CNTN6: variants seen among roughly 807,000 people sequenced by gnomAD.
CNTN6 encodes contactin-6.
Under a neutral mutation model 122.8 loss-of-function variants are expected in CNTN6, and 137 were observed. The ratio of observed to expected loss-of-function variants is 1.12; its 90% CI spans 0.97 to 1.29. CNTN6 has a LOEUF of 1.29. Ranked by LOEUF, CNTN6 falls within the 50% of genes most tolerant of loss-of-function variation. The pLI, the probability that CNTN6 is intolerant of heterozygous loss-of-function variation, is 0.00. For missense variants in CNTN6, 1,634 were observed against 1,223.4 expected (o/e 1.34, Z -5.01); for synonymous variants, 570 against 426.0 (o/e 1.34, Z -4.16).
intron 2 of CNTN6, among the ~76,000 whole-genome samples, chr3:1,168,794 T>A (rs2093307248): frequency 6.6e-6 from 1 of 152,116 alleles, no homozygotes; most frequent in Non-Finnish European, 1.5e-5. Flanking sequence ...TTTCTAGGCT[T>A]AGTGGAGTTA....
chr3:1,249,175 C>A (rs2094623718), intron 4 of CNTN6, among the ~76,000 whole-genome samples: 1 of 152,072 alleles, frequency 6.6e-6, no homozygotes, highest in African/African-American at 2.4e-5. Flanking sequence ...GGGGTCAACA[C>A]AAGGTGATAG....
At chr3:1,320,527 G>C (rs1364956972) in intron 7 of CNTN6, among the ~76,000 whole-genome samples, 3 of 151,658 alleles carry the variant, frequency 2.0e-5, no homozygotes, top group Non-Finnish European at 2.9e-5. Context: ...CTGACTTGAA[G>C]AAATTCTGCC....
intron 8 of CNTN6, among the ~76,000 whole-genome samples, chr3:1,323,897 G>C (rs538949892): frequency 7.2e-6 from 1 of 139,716 alleles, no homozygotes; most frequent in East Asian, 1.9e-4. Flanking sequence ...ATAAATAAAT[G>C]TGTTCTGTAG....
At chr3:1,220,909 T>C in intron 3 of CNTN6, 96 bp downstream of exon 3, 1 of 1,331,432 alleles carries the variant, frequency 7.5e-7, no homozygotes, top group Non-Finnish European at 1.0e-6. Context: ...TCCTAATTTG[T>C]AGTGTACAGC....
rs556821921 is a variant in CNTN6 at position 1,359,681 on chromosome 3, T to C, written c.1492+7230T>C. 1.6e-4 allele frequency among the ~76,000 whole-genome samples: 24 copies of C among 152,176 alleles called. No homozygotes were observed. In the South Asian group the frequency reaches 5.0e-3, roughly 32 times the overall value. The stretch of plus-strand genomic sequence containing the variant: ...AATCATGCACTTGTCTAAGAGGATA[T>C]AAAACATTTTAGACTTACGGATTGT... On this transcript the variant is annotated intron_variant, in intron 12 of 22. Coordinates refer to ENST00000446702, the MANE Select transcript of CNTN6 (RefSeq NM_001289080.2).
At chr3:1,151,375 T>A (rs184975523) in intron 2 of CNTN6, among the ~76,000 whole-genome samples, 25 of 152,322 alleles carry the variant, frequency 1.6e-4, no homozygotes, top group Admixed American at 7.2e-4. Context: ...TTAGTCTGGT[T>A]CATTCCTTTA....
Position 1,295,784 on chromosome 3 carries a change from C to A in CNTN6, c.638C>A (p.Pro213Gln). The part of the protein sequence containing the change: ...AQRSVQGPPT[P>Q]LVQRTDGVMG... ...AGAAGTGTTCAAGGTCCACCCACTC[C>A]ATTAGTGCAGCGCACTGATGGTAAG... Residue 213 changes from proline (P) to glutamine (Q), a missense_variant, in exon 6 of 23, where the codon CCA becomes CAA. Pro to Gln is a moderately conservative substitution (Grantham distance 76). Transcript: ENST00000446702. 1 of 1,613,908 alleles carries A rather than the reference C, an allele frequency of 6.2e-7. No homozygotes were observed. Among genetic ancestry groups the A allele is most frequent in the Non-Finnish European group, 8.5e-7 (1 of 1,179,808 alleles).
intron 4 of CNTN6, among the ~76,000 whole-genome samples, chr3:1,273,963 G>T (rs1378886649): frequency 6.6e-6 from 1 of 152,128 alleles, no homozygotes; most frequent in African/African-American, 2.4e-5. Flanking sequence ...GACACTGAGA[G>T]AATTCAATCC....
intron 7 of CNTN6, 98 bp from the exon 8 acceptor site, chr3:1,321,552 A>G (rs1169937124): frequency 1.2e-5 from 13 of 1,055,768 alleles, no homozygotes; most frequent in Non-Finnish European, 4.1e-6. Flanking sequence ...GATTGATAGA[A>G]TATTTTTCTT....
chr3:1,224,287 G>A (rs997984901), intron 3 of CNTN6, among the ~76,000 whole-genome samples: 2 of 152,094 alleles, frequency 1.3e-5, no homozygotes, highest in African/African-American at 4.8e-5. Context: ...AAGGGAAAGG[G>A]GACAGGTGGG....
chr3:1,300,005 C>G (rs756913528), intron 7 of CNTN6, among the ~76,000 whole-genome samples: 3 of 151,870 alleles, frequency 2.0e-5, no homozygotes, highest in Non-Finnish European at 4.4e-5. Flanking sequence ...GAGACGGAGT[C>G]TTGCTCTGTT....
Position 1,373,952 on chromosome 3 carries a change from C to A in CNTN6, c.1974C>A (p.Tyr658Ter), listed in dbSNP as rs1430844540. 1.9e-6 allele frequency: 3 copies of A among 1,612,340 alleles called. No individual in the cohort carries two copies. Among genetic ancestry groups the A allele is most frequent in the African/African-American group, 2.7e-5 (2 of 74,820 alleles). ...TVPEILNGKT[Y>*]NATVVGLSPW... ...CAGAAATTCTCAATGGTAAGACATA[C>A]AATGCAACAGTGGTTGGTTTGAGTC... The change falls in exon 16 of 23, where the codon TAC (tyrosine) becomes TAA (stop). Residue 658 changes from tyrosine (Y) to a stop codon, truncating the protein, a stop_gained. Transcript: ENST00000446702. LOFTEE classifies it high-confidence loss of function.
chr3:1,150,372 T>A (rs2092813799), intron 2 of CNTN6, among the ~76,000 whole-genome samples: 2 of 152,196 alleles, frequency 1.3e-5, no homozygotes, highest in South Asian at 4.1e-4. Flanking sequence ...ATTATAATTT[T>A]TCTAACAGGT....
intron 4 of CNTN6, among the ~76,000 whole-genome samples, chr3:1,269,061 T>G (rs1256449528): frequency 2.6e-5 from 4 of 152,196 alleles, no homozygotes; most frequent in Non-Finnish European, 4.4e-5. Context: ...TCATCAGTAA[T>G]GTGATTAAAG....
rs755646682 is a variant in CNTN6, at chr3:1,385,666, G to C, written c.2573G>C (p.Ser858Thr). 6 of 1,613,940 alleles carry C rather than the reference G, an allele frequency of 3.7e-6. No individual in the cohort carries two copies. Among genetic ancestry groups the C allele is most frequent in the Admixed American group, 3.3e-5 (2 of 59,986 alleles). Reference protein sequence around the residue: ...KESMIGKIRVSGNVTTKNITG... With the variant: ...KESMIGKIRVTGNVTTKNITG... ...TCCATGATAGGTAAAATTAGAGTCA[G>C]TGGAAATGTCACAACCAAAAACATC... Residue 858 changes from serine to threonine, a missense_variant, in exon 20 of 23, where the codon AGT (serine) becomes ACT (threonine). By Grantham distance (58) the Ser-to-Thr change is moderately conservative. Transcript: ENST00000446702.
Position 1,098,877 on chromosome 3 carries a change from C to T in CNTN6, c.-83+5757C>T, listed in dbSNP as rs576567214. 5.6e-5 allele frequency among the ~76,000 whole-genome samples: 8 copies of T among 144,108 alleles called. No individual in the cohort carries two copies. In the East Asian group the frequency reaches 1.7e-3, roughly 30 times the overall value. 94.5% of individuals were successfully genotyped at this position (144,108 alleles called of 152,430 possible). ...ATTTAATAATGACCAATTCCCACCCCCAGAATTACCAAATGCTAAATTTTA... is the reference window on the plus strand; with the variant it reads ...ATTTAATAATGACCAATTCCCACCCTCAGAATTACCAAATGCTAAATTTTA... On this transcript the variant is annotated intron_variant, in intron 1 of 22. Coordinates refer to ENST00000446702, the MANE Select transcript of CNTN6 (RefSeq NM_001289080.2).
intron 4 of CNTN6, among the ~76,000 whole-genome samples, chr3:1,274,757 T>C (rs959794365): frequency 6.6e-6 from 1 of 152,138 alleles, no homozygotes; most frequent in Non-Finnish European, 1.5e-5. Flanking sequence ...TTTGTATCAG[T>C]CAGAGGAAAA....
At chr3:1,354,800 C>T (rs576616561) in intron 12 of CNTN6, among the ~76,000 whole-genome samples, 34 of 151,364 alleles carry the variant, frequency 2.2e-4, no homozygotes, top group South Asian at 1.0e-3. Context: ...CTTCTTAGGA[C>T]ACTTTGCAAA....
In CNTN6 at chr3:1,327,562, G is replaced by T. The variant is rs1387513926; in HGVS notation, c.1189G>T (p.Ala397Ser). Residue 397 changes from alanine to serine, a missense_variant, in exon 10 of 23, where the codon GCA (alanine) becomes TCA (serine). Transcript: ENST00000446702. Reference sequence around the variant, plus strand: ...AGAAAACAAATATCAGATAATTTATGCAAATGCTGAATTGAGAGTTTTAGG... The same window carrying T: ...AGAAAACAAATATCAGATAATTTATTCAAATGCTGAATTGAGAGTTTTAGG... ...AAENKYQIIY[A>S]NAELRVLASA... The T allele has an allele frequency of 6.2e-7, 1 of 1,610,298 alleles. No individual in the cohort carries two copies. The highest frequency in any genetic ancestry group is 1.3e-5 in the African/African-American group (1 of 74,780).
Sources: allele counts gnomAD v4.1 joint callset (sites outside exome capture counted in the v4.1 genomes callset), GRCh38; gene constraint gnomAD v4.1.1; transcripts MANE v1.5; gene names NCBI Gene and HGNC (gene_info 2026-07-23, HGNC 2026-07-21).